MTHFD2L: variants seen among roughly 807,000 people sequenced by gnomAD.
MTHFD2L encodes the protein methylenetetrahydrofolate dehydrogenase (NADP+ dependent) 2 like.
In MTHFD2L, 29 loss-of-function variants were observed where a neutral mutation model predicts 34.9. The observed-to-expected ratio is 0.83, with a 90% confidence interval of 0.62 to 1.13. MTHFD2L has a LOEUF of 1.13. MTHFD2L is among the 50% of genes most tolerant of loss of function. The pLI, the probability that MTHFD2L is intolerant of heterozygous loss-of-function variation, is 0.00. For synonymous variants in MTHFD2L, 167 were observed against 155.7 expected, an observed-to-expected ratio of 1.07 and a Z score of -0.54; for missense variants, 481 against 446.5, an observed-to-expected ratio of 1.08 and a Z score of -0.70.
intron 6 of MTHFD2L, among the ~76,000 whole-genome samples, chr4:74,249,740 A>T (rs1001448339): frequency 6.6e-6 from 1 of 152,008 alleles, no homozygotes; most frequent in African/African-American, 2.4e-5. Context: ...TCACTTATGA[A>T]GCTTAGTTTG....
At chr4:74,159,984 C>A (rs1725059925) in intron 1 of MTHFD2L, 2 of 1,082,618 alleles carry the variant, frequency 1.8e-6, no homozygotes, top group Non-Finnish European at 2.4e-6. Context: ...CACCTGTGGA[C>A]TGGTGGGTCT....
At chr4:74,145,102 A>G (rs1260319700) in intron 1 of MTHFD2L, among the ~76,000 whole-genome samples, 1 of 152,028 alleles carries the variant, frequency 6.6e-6, no homozygotes, top group African/African-American at 2.4e-5. Context: ...TTGCTTCAAC[A>G]TTGCAGTAGG....
At chr4:74,138,720 G>A (rs1164671661) in intron 1 of MTHFD2L, among the ~76,000 whole-genome samples, 8 of 152,118 alleles carry the variant, frequency 5.3e-5, no homozygotes, top group Non-Finnish European at 1.2e-4. Context: ...AGCTCAGCTC[G>A]AGTGTAAGAA....
chr4:74,209,963 T>A (rs546631555), intron 5 of MTHFD2L, among the ~76,000 whole-genome samples: 23 of 152,370 alleles, frequency 1.5e-4, no homozygotes, highest in African/African-American at 5.1e-4. Flanking sequence ...TGAGCTTTTT[T>A]AAATATGTTT....
chr4:74,255,166 T>G (rs1218211776), intron 6 of MTHFD2L, among the ~76,000 whole-genome samples: 6 of 131,258 alleles, frequency 4.6e-5, no homozygotes, highest in African/African-American at 1.4e-4. Context: ...AAAAAAGAAT[T>G]AGTTAATGGG....
intron 7 of MTHFD2L, among the ~76,000 whole-genome samples, chr4:74,289,455 G>A (rs1748609168): frequency 6.6e-6 from 1 of 152,150 alleles, no homozygotes; most frequent in East Asian, 1.9e-4. Context: ...AGTCAAAGAG[G>A]TAGCAGCAAT....
chr4:74,224,350 C>T lies in MTHFD2L; in HGVS notation c.713-952C>T, dbSNP rs372013118. On this transcript the variant is annotated intron_variant, in intron 5 of 7. Coordinates refer to ENST00000325278, the MANE Select transcript of MTHFD2L (RefSeq NM_001144978.3). The stretch of plus-strand genomic sequence containing the variant: ...GTCATTCTCCGCATTTCTTTGCTGC[C>T]TTTCTCCCTGTATGGTATCTACTAA... Among the ~76,000 whole-genome samples the T allele has an allele frequency of 5.9e-5, 9 of 152,216 alleles. No homozygotes were observed. The East Asian group carries it at 1.3e-3, about 23-fold the overall frequency.
chr4:74,221,389 C>T (rs921612475), intron 5 of MTHFD2L, among the ~76,000 whole-genome samples: 17 of 151,684 alleles, frequency 1.1e-4, no homozygotes, highest in Non-Finnish European at 4.4e-5. Flanking sequence ...TAAACAAATA[C>T]AATATATTTT....
rs72168468 is a variant in MTHFD2L, at chr4:74,301,532, C to CGTGT, written c.932-142_932-139dup. 5.6e-3 allele frequency among the ~76,000 whole-genome samples: 815 copies of CGTGT among 146,140 alleles called. 1 individual carries two copies. Among genetic ancestry groups the CGTGT allele is most frequent in the Non-Finnish European group, 8.6e-3 (568 of 65,680 alleles). On this transcript the variant is annotated intron_variant, in intron 7 of 7. Coordinates refer to ENST00000325278, the MANE Select transcript of MTHFD2L (RefSeq NM_001144978.3). The stretch of plus-strand genomic sequence containing the variant: ...AAGTATTCGTCTAAGTGAGTGTGAG[C>CGTGT]GTGTGTGTGTGTGTGTGTGTGTGTG...
intron 6 of MTHFD2L, among the ~76,000 whole-genome samples, chr4:74,264,198 A>G (rs1745023410): frequency 6.6e-6 from 1 of 152,076 alleles, no homozygotes; most frequent in Non-Finnish European, 1.5e-5. Context: ...TGGCAGTCCT[A>G]TTCTATACCA....
At position 74,206,552 on chromosome 4, in the gene MTHFD2L, A is replaced by C. The variant is rs116972253; in HGVS notation, c.712+5182A>C. Among the ~76,000 whole-genome samples the C allele has an allele frequency of 1.5e-3, 229 of 152,242 alleles. 1 individual carries two copies. In the East Asian group the frequency reaches 0.021, roughly 14 times the overall value. On this transcript the variant is annotated intron_variant, in intron 5 of 7. Transcript: ENST00000325278. ...TGGAGTCTTTTTTAAGGCTAAGGAAAGTCTTCTGTAATTTGCCTCAAGGTT... is the reference window on the plus strand; with the variant it reads ...TGGAGTCTTTTTTAAGGCTAAGGAACGTCTTCTGTAATTTGCCTCAAGGTT...
chr4:74,190,430 C>G lies in MTHFD2L; in HGVS notation c.452-9364C>G. 3 of 969,794 alleles carry G rather than the reference C, an allele frequency of 3.1e-6. No homozygotes were observed. The South Asian group carries it at 1.4e-4, about 46-fold the overall frequency. 60.1% of individuals were successfully genotyped at this position (969,794 alleles called of 1,614,324 possible). A position where few individuals can be genotyped will look rare whatever the true frequency, so the allele number is the denominator to read the frequency against. ...TTTTACATCCTATGAAGTAAGCCTGCCTGAGGACATCCTGGGGCAGTTTTC... is the reference window on the plus strand; with the variant it reads ...TTTTACATCCTATGAAGTAAGCCTGGCTGAGGACATCCTGGGGCAGTTTTC... On this transcript the variant is annotated intron_variant, in intron 3 of 7. Coordinates refer to ENST00000325278, the MANE Select transcript of MTHFD2L (RefSeq NM_001144978.3).
Position 74,131,436 on chromosome 4 carries a change from C to G in MTHFD2L, c.-297+5919C>G, listed in dbSNP as rs190689643. Among the ~76,000 whole-genome samples, 640 of 152,296 alleles carry G rather than the reference C, an allele frequency of 4.2e-3. 2 individuals carry two copies. Among genetic ancestry groups the G allele is most frequent in the Non-Finnish European group, 6.5e-3 (444 of 68,002 alleles). On this transcript the variant is annotated intron_variant, in intron 1 of 7. Coordinates refer to the MTHFD2L transcript ENST00000433372. ...AGGCCTCAGAAATAACACCACTCAT[C>G]TACAACCATCTGATCTTTGACAAAC...
At chr4:74,156,162 C>T (rs761049092), upstream of MTHFD2L, among the ~76,000 whole-genome samples, 4 of 152,074 alleles carry the variant, frequency 2.6e-5, no homozygotes, top group African/African-American at 4.8e-5. Flanking sequence ...CATAGTGTCA[C>T]GTGTCTAACA....
intron 5 of MTHFD2L, among the ~76,000 whole-genome samples, chr4:74,205,850 T>G (rs1282485555): frequency 6.6e-6 from 1 of 151,288 alleles, no homozygotes; most frequent in East Asian, 2.0e-4. Context: ...CAAGGGGATA[T>G]GATATACAAG....
chr4:74,192,818 T>A (rs1445502459), intron 3 of MTHFD2L, among the ~76,000 whole-genome samples: 1 of 151,980 alleles, frequency 6.6e-6, no homozygotes, highest in East Asian at 1.9e-4. Flanking sequence ...TAACTTTGAG[T>A]GCTTTTTTTT....
intron 3 of MTHFD2L, among the ~76,000 whole-genome samples, chr4:74,187,733 TACACACAC>T (rs35175417): frequency 0.013 from 1,714 of 134,234 alleles, 15 homozygotes; most frequent in South Asian, 0.029. Flanking sequence ...AAACGTTAAA[TACACACAC>T]ACACACACAC....
intron 1 of MTHFD2L, among the ~76,000 whole-genome samples, chr4:74,136,816 G>A (rs184861926): frequency 1.6e-3 from 251 of 152,174 alleles, no homozygotes; most frequent in African/African-American, 5.7e-3. Flanking sequence ...ATAAATCCAT[G>A]CATTTGCAGC....
chr4:74,200,118 CT>C (rs1734173263), intron 4 of MTHFD2L, among the ~76,000 whole-genome samples, 172 bp downstream of exon 4: 1 of 152,016 alleles, frequency 6.6e-6, no homozygotes, highest in Non-Finnish European at 1.5e-5. Context: ...TAATACAATC[CT>C]GGCTAACACA....
Sources: gnomAD v4.1 joint callset for allele counts (sites outside exome capture counted in the v4.1 genomes callset) on GRCh38, gnomAD v4.1.1 for gene constraint, MANE v1.5 for transcripts, NCBI Gene and HGNC (gene_info 2026-07-23, HGNC 2026-07-21) for gene names.